PCSK5: variants seen among roughly 807,000 people sequenced by gnomAD.
PCSK5 encodes the protein prohormone convertase 5.
In PCSK5, 129 loss-of-function variants were observed where a neutral mutation model predicts 233.2. The observed-to-expected ratio is 0.55, with a 90% CI of 0.48 to 0.64. PCSK5 has a LOEUF of 0.64. Among genes scored for constraint, PCSK5 ranks in the 30% least tolerant of loss-of-function variants. The pLI, the probability that PCSK5 is intolerant of heterozygous loss-of-function variation, is 0.00. For missense variants in PCSK5, 2,076 were observed against 2,430.1 expected (o/e 0.85, Z 3.06); for synonymous variants, 825 against 879.2 (o/e 0.94, Z 1.09).
At chr9:75,955,701 G>A (rs1825065001) in intron 2 of PCSK5, among the ~76,000 whole-genome samples, 1 of 150,618 alleles carries the variant, frequency 6.6e-6, no homozygotes, top group Non-Finnish European at 1.5e-5. Context: ...ATTAAATTTA[G>A]GTTTAATTTA....
chr9:76,189,072 CTG>C lies in PCSK5; in HGVS notation c.2381-18_2381-17del. The C allele has an allele frequency of 6.2e-7, 1 of 1,609,046 alleles. No individual in the cohort carries two copies. The highest frequency in any genetic ancestry group is 8.5e-7 in the Non-Finnish European group (1 of 1,178,382). On this transcript the variant is annotated intron_variant, in intron 18 of 37. Coordinates refer to ENST00000674117, the MANE Select transcript of PCSK5 (RefSeq NM_001372043.1). ...CCTCTGAGGTTTTATTTCTCGTTTC[CTG>C]TGTTTGTCTTGCTTTTAAGGGGCAG... is the stretch of plus-strand genomic sequence containing the variant.
At chr9:76,026,864 T>A (rs990170625) in intron 4 of PCSK5, 97 bp from the exon 5 acceptor site, 2 of 800,840 alleles carry the variant, frequency 2.5e-6, no homozygotes, top group African/African-American at 3.4e-5. Flanking sequence ...AATTACTTTC[T>A]GGCAGAAATG....
At chr9:76,219,717 G>A (rs1011763255) in intron 20 of PCSK5, among the ~76,000 whole-genome samples, 3 of 152,186 alleles carry the variant, frequency 2.0e-5, no homozygotes, top group Admixed American at 6.5e-5. Context: ...TCCTGCTGCG[G>A]GCTTGCATCT....
chr9:76,041,944 C>A (rs1007078135), intron 5 of PCSK5, among the ~76,000 whole-genome samples: 1 of 151,872 alleles, frequency 6.6e-6, no homozygotes, highest in Non-Finnish European at 1.5e-5. Flanking sequence ...ATGTTTTTTA[C>A]AGTCATCTGA....
chr9:75,912,880 G>T (rs1200168625), intron 1 of PCSK5, among the ~76,000 whole-genome samples: 1 of 152,080 alleles, frequency 6.6e-6, no homozygotes, highest in Non-Finnish European at 1.5e-5. Context: ...ACCTAGCTCT[G>T]GACACCTCCC....
intron 24 of PCSK5, among the ~76,000 whole-genome samples, chr9:76,273,469 CTCTT>C (rs1267102082): frequency 6.6e-6 from 1 of 151,368 alleles, no homozygotes; most frequent in Non-Finnish European, 1.5e-5. Flanking sequence ...CATACTATGT[CTCTT>C]TATCACTCTC....
At chr9:76,040,389 C>CTCTG (rs1563988677) in intron 5 of PCSK5, among the ~76,000 whole-genome samples, 8 of 120,374 alleles carry the variant, frequency 6.6e-5, no homozygotes, top group East Asian at 2.5e-4. Context: ...CTCTCTGTCT[C>CTCTG]TCTCTCTCTC....
intron 16 of PCSK5, among the ~76,000 whole-genome samples, chr9:76,182,792 C>A (rs1395659308): frequency 1.3e-5 from 2 of 152,050 alleles, no homozygotes; most frequent in African/African-American, 4.8e-5. Flanking sequence ...TATGATGGCA[C>A]TGAAATTTCA....
chr9:76,132,829 A>C (rs1353464916), intron 9 of PCSK5, among the ~76,000 whole-genome samples: 1 of 152,082 alleles, frequency 6.6e-6, no homozygotes, highest in African/African-American at 2.4e-5. Flanking sequence ...AAAATGAAGG[A>C]GCCAGAATCT....
chr9:76,022,261 G>A (rs992349464), intron 3 of PCSK5, among the ~76,000 whole-genome samples: 18 of 152,258 alleles, frequency 1.2e-4, no homozygotes, highest in African/African-American at 3.9e-4. Flanking sequence ...TCTGCCTTGC[G>A]CACAGCCATA....
At chr9:76,205,694 C>T (rs1825089436) in intron 20 of PCSK5, among the ~76,000 whole-genome samples, 1 of 152,170 alleles carries the variant, frequency 6.6e-6, no homozygotes, top group South Asian at 2.1e-4. Flanking sequence ...CATCAGCCTC[C>T]TTTTGTTGTC....
chr9:76,352,726 G>A (rs1449894562), intron 36 of PCSK5, among the ~76,000 whole-genome samples: 2 of 152,062 alleles, frequency 1.3e-5, no homozygotes, highest in African/African-American at 4.8e-5. Flanking sequence ...ATCTCCCCAT[G>A]ATGAAATTAA....
At chr9:76,267,155 G>A (rs2131368069) in intron 24 of PCSK5, among the ~76,000 whole-genome samples, 1 of 152,212 alleles carries the variant, frequency 6.6e-6, no homozygotes, top group Non-Finnish European at 1.5e-5. Context: ...AAGGCTAAAG[G>A]GCCACCAGCC....
rs748642674 is a variant in PCSK5, at chr9:76,048,927, A to G, written c.633-19028A>G. 2.7e-4 allele frequency among the ~76,000 whole-genome samples: 41 copies of G among 152,216 alleles called. 1 individual carries two copies. The highest frequency in any genetic ancestry group is 9.2e-4 in the Admixed American group (14 of 15,282). On this transcript the variant is annotated intron_variant, in intron 5 of 37. Transcript: ENST00000674117. Reference sequence around the variant, plus strand: ...ATAAAATCATAGCGAGTGGAGGTAGAAAAGGTAGAAGCATGTGTTTTTTGG... The same window carrying G: ...ATAAAATCATAGCGAGTGGAGGTAGGAAAGGTAGAAGCATGTGTTTTTTGG...
chr9:76,124,864 C>A (rs533539485), intron 9 of PCSK5, among the ~76,000 whole-genome samples: 1 of 152,018 alleles, frequency 6.6e-6, no homozygotes, highest in Non-Finnish European at 1.5e-5. Flanking sequence ...CCTGTGCATC[C>A]TTTGCTTTTG....
At chr9:76,056,716 T>C (rs765015282) in intron 5 of PCSK5, among the ~76,000 whole-genome samples, 3 of 152,238 alleles carry the variant, frequency 2.0e-5, no homozygotes, top group Non-Finnish European at 4.4e-5. Context: ...GTAAAAATTA[T>C]GTAACAAATT....
rs774130698 is a variant in PCSK5, at chr9:76,350,831, A to C, written c.4970A>C (p.Lys1657Thr). 2.7e-5 allele frequency: 42 copies of C among 1,579,942 alleles called. No homozygotes were observed. Among genetic ancestry groups the C allele is most frequent in the Non-Finnish European group, 3.6e-5 (42 of 1,151,252 alleles). Residue 1657 changes from lysine (K) to threonine (T), a missense_variant, in exon 36 of 38, where the codon AAA (lysine) becomes ACA (threonine). Coordinates refer to ENST00000674117, the MANE Select transcript of PCSK5 (RefSeq NM_001372043.1). ...CHPTCDQCKGKGALNCLSCVW... is the reference protein window; with the variant it reads ...CHPTCDQCKGTGALNCLSCVW... ...CTTAGAATGTTTTCTCTTTCAGGAA[A>C]AGGAGCGTTGAATTGTTTATCCTGT...
chr9:75,952,998 T>A (rs1421071114), intron 2 of PCSK5, among the ~76,000 whole-genome samples: 1 of 152,180 alleles, frequency 6.6e-6, no homozygotes, highest in Non-Finnish European at 1.5e-5. Context: ...GAGAAAATTG[T>A]TCAGTTATTT....
chr9:76,145,914 C>T (rs187966529), intron 10 of PCSK5, among the ~76,000 whole-genome samples: 10 of 152,288 alleles, frequency 6.6e-5, no homozygotes, highest in Admixed American at 5.2e-4. Context: ...TTAATCCTTC[C>T]CTGGTTCTAT....
Sources: gnomAD v4.1 joint callset for allele counts (sites outside exome capture counted in the v4.1 genomes callset) on GRCh38, gnomAD v4.1.1 for gene constraint, MANE v1.5 for transcripts, NCBI Gene and HGNC (gene_info 2026-07-23, HGNC 2026-07-21) for gene names.